Variants in SPECC1L observed in about 807,000 individuals in gnomAD.
The protein encoded by SPECC1L is cytospin-A.
A neutral mutation model predicts 116.8 loss-of-function variants in SPECC1L; 40 were observed. The observed-to-expected ratio is 0.34, with a 90% CI of 0.27 to 0.45. The LOEUF (loss-of-function observed/expected upper bound fraction) is 0.45, where lower values mean the gene tolerates loss of function less well. Ranked by LOEUF, SPECC1L falls within the 20% of genes least tolerant of loss-of-function variation. The pLI, the probability that SPECC1L is intolerant of heterozygous loss-of-function variation, is 1.00. For synonymous variants in SPECC1L, 504 were observed against 500.6 expected, an observed-to-expected ratio of 1.01 and a Z score of -0.09; for missense variants, 1,110 against 1,373.6, an observed-to-expected ratio of 0.81 and a Z score of 3.03.
At chr22:24,302,905 T>C (rs1414401352) in intron 3 of SPECC1L, among the ~76,000 whole-genome samples, 2 of 152,188 alleles carry the variant, frequency 1.3e-5, no homozygotes, top group Non-Finnish European at 2.9e-5. Context: ...CACCACAAAT[T>C]GCTGTTCTTC....
intron 4 of SPECC1L, among the ~76,000 whole-genome samples, chr22:24,317,730 T>C (rs562055874): frequency 2.0e-5 from 3 of 146,768 alleles, no homozygotes; most frequent in African/African-American, 7.8e-5. Context: ...CCAGACGGGG[T>C]GGCTGCCGGG....
At chr22:24,319,507 A>G (rs372705026) in intron 4 of SPECC1L, among the ~76,000 whole-genome samples, 219 of 152,374 alleles carry the variant, frequency 1.4e-3, no homozygotes, top group African/African-American at 5.0e-3. Flanking sequence ...CAGCCAAACC[A>G]TATCAGTATC....
intron 14 of SPECC1L, among the ~76,000 whole-genome samples, chr22:24,391,285 T>G (rs1223744769): frequency 6.6e-6 from 1 of 152,204 alleles, no homozygotes; most frequent in Non-Finnish European, 1.5e-5. Context: ...ATGTCAAACA[T>G]AGCAGCTGGG....
intron 1 of SPECC1L, among the ~76,000 whole-genome samples, 154 bp downstream of exon 1, chr22:24,271,137 C>T (rs1220051517): frequency 6.6e-6 from 1 of 152,250 alleles, no homozygotes. Context: ...GTGTGTCCCG[C>T]GCCTGCGCCT....
intron 2 of SPECC1L, among the ~76,000 whole-genome samples, chr22:24,281,802 A>G (rs1292180126): frequency 1.3e-5 from 2 of 152,216 alleles, no homozygotes; most frequent in African/African-American, 4.8e-5. Flanking sequence ...TGCACTGGCT[A>G]GAACTTCTAA....
At position 24,414,845 on chromosome 22, in the gene SPECC1L, GTGGGCTC is replaced by G; in HGVS notation, c.*223_*229del. On this transcript the variant is annotated 3_prime_UTR_variant, in exon 17 of 17. Transcript: ENST00000314328. The stretch of plus-strand genomic sequence containing the variant: ...CACATGACCCGTCCATTCAGGTCAT[GTGGGCTC>G]AGCACACATCCTGCAGGCCGGTGGC... 1 of 580,002 alleles carries G rather than the reference GTGGGCTC, an allele frequency of 1.7e-6. No homozygotes were observed. The highest frequency in any genetic ancestry group is 3.1e-6 in the Non-Finnish European group (1 of 321,402). 35.9% of individuals were successfully genotyped at this position (580,002 alleles called of 1,614,324 possible).
chr22:24,317,584 G>A (rs1181322782), intron 4 of SPECC1L, among the ~76,000 whole-genome samples: 3 of 142,818 alleles, frequency 2.1e-5, no homozygotes, highest in East Asian at 2.2e-4. Flanking sequence ...CTCGCCTCCC[G>A]GACGGGGCGG....
chr22:24,353,230 A>G (rs1190558576), intron 11 of SPECC1L, among the ~76,000 whole-genome samples: 1 of 152,192 alleles, frequency 6.6e-6, no homozygotes, highest in East Asian at 1.9e-4. Context: ...TAATTCTAGA[A>G]TCAAATTGAG....
At chr22:24,374,196 T>C (rs1270308137) in intron 14 of SPECC1L, among the ~76,000 whole-genome samples, 1 of 152,054 alleles carries the variant, frequency 6.6e-6, no homozygotes, top group Admixed American at 6.5e-5. Context: ...AGTTCAACCA[T>C]TGTGAAAGTC....
At chr22:24,368,776 A>G (rs1003458942) in intron 13 of SPECC1L, among the ~76,000 whole-genome samples, 1 of 152,114 alleles carries the variant, frequency 6.6e-6, no homozygotes, top group Non-Finnish European at 1.5e-5. Context: ...CCTCCCAAGT[A>G]GCTGGGATTA....
At chr22:24,340,140 C>CTTTTTTTTTTTT (rs765402107) in intron 10 of SPECC1L, among the ~76,000 whole-genome samples, 2 of 105,140 alleles carry the variant, frequency 1.9e-5, no homozygotes, top group African/African-American at 4.6e-5. Flanking sequence ...ATTTAATGAC[C>CTTTTTTTTTTTT]TTTTTTTTTT....
intron 14 of SPECC1L, among the ~76,000 whole-genome samples, chr22:24,380,920 T>TAA (rs979413554): frequency 2.6e-5 from 4 of 152,186 alleles, no homozygotes; most frequent in Non-Finnish European, 5.9e-5. Context: ...GTTTTTAATT[T>TAA]AAATATAGGG....
At chr22:24,345,773 G>A (rs905810174) in intron 10 of SPECC1L, among the ~76,000 whole-genome samples, 2 of 152,174 alleles carry the variant, frequency 1.3e-5, no homozygotes, top group African/African-American at 4.8e-5. Context: ...GTGTGGTAGG[G>A]ATGTGGAGAA....
chr22:24,409,031 C>G (rs1273944123), intron 14 of SPECC1L, among the ~76,000 whole-genome samples: 1 of 152,170 alleles, frequency 6.6e-6, no homozygotes, highest in Non-Finnish European at 1.5e-5. Context: ...CCCCACCTGC[C>G]CTTGTCTCTG....
chr22:24,328,747 AC>A (rs2040878230), intron 6 of SPECC1L, 98 bp from the exon 7 acceptor site: 3 of 909,082 alleles, frequency 3.3e-6, no homozygotes, highest in Non-Finnish European at 3.5e-6. Context: ...GGACAGGATA[AC>A]TTTTTTCGAA....
chr22:24,344,990 G>A (rs1007302663), intron 10 of SPECC1L, among the ~76,000 whole-genome samples: 5 of 152,176 alleles, frequency 3.3e-5, no homozygotes, highest in Non-Finnish European at 7.3e-5. Flanking sequence ...CCAATTAAAA[G>A]AGCAGTGCTC....
chr22:24,306,006 A>G (rs200294690), intron 3 of SPECC1L, among the ~76,000 whole-genome samples: 1 of 151,714 alleles, frequency 6.6e-6, no homozygotes, highest in African/African-American at 2.4e-5. Flanking sequence ...CCCGGGTTCA[A>G]GCGATTCTCC....
At chr22:24,368,704 T>C in intron 13 of SPECC1L, among the ~76,000 whole-genome samples, 1 of 152,352 alleles carries the variant, frequency 6.6e-6, no homozygotes, top group South Asian at 2.1e-4. Context: ...TGGAGTGCAA[T>C]GGCGTAATCT....
At chr22:24,295,658 A>G (rs2049245468) in intron 2 of SPECC1L, among the ~76,000 whole-genome samples, 1 of 152,170 alleles carries the variant, frequency 6.6e-6, no homozygotes, top group Non-Finnish European at 1.5e-5. Context: ...GTTGATTAAG[A>G]ATACCAGCAC....
Sources: gnomAD v4.1 joint callset for allele counts (sites outside exome capture counted in the v4.1 genomes callset) on GRCh38, gnomAD v4.1.1 for gene constraint, MANE v1.5 for transcripts, NCBI Gene and HGNC (gene_info 2026-07-23, HGNC 2026-07-21) for gene names.